RABEP1: variants seen among roughly 807,000 people sequenced by gnomAD.
The protein encoded by RABEP1 is rabaptin, RAB GTPase binding effector protein 1.
Under a neutral mutation model 123.4 loss-of-function variants are expected in RABEP1, and 51 were observed. That is an observed-to-expected ratio of 0.41 (90% CI 0.33 to 0.52). The LOEUF (loss-of-function observed/expected upper bound fraction) is 0.52. Ranked by LOEUF, RABEP1 falls within the 20% of genes least tolerant of loss-of-function variation. The pLI, the probability that RABEP1 is intolerant of heterozygous loss-of-function variation, is 0.16. For missense variants in RABEP1, 888 were observed against 996.3 expected (o/e 0.89, Z 1.46); for synonymous variants, 347 against 355.2 (o/e 0.98, Z 0.26).
chr17:5,333,323 C>T (rs536417000), intron 3 of RABEP1, among the ~76,000 whole-genome samples: 350 of 152,094 alleles, frequency 2.3e-3, no homozygotes, highest in African/African-American at 7.7e-3. Context: ...CCACCACGCC[C>T]GGCTAATTTT....
intron 2 of RABEP1, among the ~76,000 whole-genome samples, chr17:5,314,129 T>C (rs185094028): frequency 1.3e-5 from 2 of 152,304 alleles, no homozygotes; most frequent in East Asian, 3.9e-4. Flanking sequence ...TTGTCATAGC[T>C]GTGTTTGCAC....
At chr17:5,336,473 T>C (rs1299008894) in intron 4 of RABEP1, 1 of 471,430 alleles carries the variant, frequency 2.1e-6, no homozygotes, top group South Asian at 1.6e-5. Flanking sequence ...TAATGTCCTT[T>C]TTTTTCTGTT....
intron 1 of RABEP1, among the ~76,000 whole-genome samples, chr17:5,297,452 G>T (rs1025458126): frequency 1.3e-5 from 2 of 152,208 alleles, no homozygotes; most frequent in African/African-American, 4.8e-5. Flanking sequence ...TGTGACTCAT[G>T]AATCTCCTCT....
intron 10 of RABEP1, chr17:5,364,166 G>C (rs1239670830): frequency 6.6e-6 from 1 of 152,210 alleles, no homozygotes; most frequent in Non-Finnish European, 1.5e-5. Flanking sequence ...CCCTGATAGT[G>C]TGGTGTAGGA....
At chr17:5,370,443 C>G (rs903712347) in intron 12 of RABEP1, among the ~76,000 whole-genome samples, 1 of 152,096 alleles carries the variant, frequency 6.6e-6, no homozygotes, top group African/African-American at 2.4e-5. Context: ...TTTATATTTT[C>G]TATATTTTGA....
At chr17:5,336,244 A>G (rs1907070731) in intron 4 of RABEP1, among the ~76,000 whole-genome samples, 1 of 152,122 alleles carries the variant, frequency 6.6e-6, no homozygotes, top group Non-Finnish European at 1.5e-5. Flanking sequence ...AAATGCATGT[A>G]TATTCATGAT....
At chr17:5,365,048 C>G in intron 10 of RABEP1, 74 bp from the exon 11 acceptor site, 1 of 839,196 alleles carries the variant, frequency 1.2e-6, no homozygotes, top group Non-Finnish European at 1.8e-6. Flanking sequence ...TTTTAAAATT[C>G]TGGAGTTAGA....
rs200203027 is a variant in RABEP1 at position 5,319,362 on chromosome 17, A to C, written c.163+10540A>C. On this transcript the variant is annotated intron_variant, in intron 2 of 17. Coordinates refer to ENST00000537505, the MANE Select transcript of RABEP1 (RefSeq NM_004703.6). The stretch of plus-strand genomic sequence containing the variant: ...AAAAACAAAAAAACAAAAAAAAAAA[A>C]CATATATATTTTTTTCCTTTTTGAG... Among the ~76,000 whole-genome samples, 107 of 129,956 alleles carry C rather than the reference A, an allele frequency of 8.2e-4. 1 individual carries two copies. The East Asian group carries it at 0.014, about 18-fold the overall frequency. 85.3% of individuals were successfully genotyped at this position (129,956 alleles called of 152,430 possible). A position where few individuals can be genotyped will look rare whatever the true frequency, so the allele number is the denominator to read the frequency against.
At chr17:5,293,415 T>G (rs1213836478) in intron 1 of RABEP1, among the ~76,000 whole-genome samples, 1 of 152,134 alleles carries the variant, frequency 6.6e-6, no homozygotes, top group African/African-American at 2.4e-5. Context: ...CCATGTTTTT[T>G]CTTATTTTGG....
intron 2 of RABEP1, among the ~76,000 whole-genome samples, chr17:5,329,801 ACATT>A (rs1906347230): frequency 6.8e-6 from 1 of 147,124 alleles, no homozygotes; most frequent in Non-Finnish European, 1.5e-5. Context: ...TATAAATATA[ACATT>A]CATATATATG....
At chr17:5,349,575 C>A (rs1386164415) in intron 6 of RABEP1, among the ~76,000 whole-genome samples, 1 of 152,090 alleles carries the variant, frequency 6.6e-6, no homozygotes, top group Non-Finnish European at 1.5e-5. Context: ...ATTAACCGGA[C>A]CCAACGAGGA....
At position 5,282,313 on chromosome 17, in the gene RABEP1, C is replaced by A. The variant is rs1017788068; in HGVS notation, c.-174C>A. ...GGATGAGGAGGCGGAGGTCGGCGGT[C>A]GGGTCCGTCTCTGCCCGCGGCTGTG... is the stretch of plus-strand genomic sequence containing the variant. On this transcript the variant is annotated 5_prime_UTR_variant, in exon 1 of 18. Coordinates refer to ENST00000537505, the MANE Select transcript of RABEP1 (RefSeq NM_004703.6). 1.2e-5 allele frequency: 5 copies of A among 433,732 alleles called. No individual in the cohort carries two copies. The South Asian group carries it at 3.6e-4, about 32-fold the overall frequency. The allele number at this position is 433,732 out of a possible 1,614,324, so 26.9% of individuals were successfully genotyped here. A position where few individuals can be genotyped will look rare whatever the true frequency, so the allele number is the denominator to read the frequency against.
At chr17:5,367,870 C>A (rs1304768072) in intron 11 of RABEP1, among the ~76,000 whole-genome samples, 1 of 151,004 alleles carries the variant, frequency 6.6e-6, no homozygotes, top group Non-Finnish European at 1.5e-5. Flanking sequence ...ATTCTCCTGC[C>A]TCAGCCTCCC....
intron 12 of RABEP1, 102 bp from the exon 13 acceptor site, chr17:5,373,212 A>G (rs1039387017): frequency 5.4e-6 from 6 of 1,119,342 alleles, no homozygotes; most frequent in Non-Finnish European, 6.2e-6. Context: ...TACCCCGTCC[A>G]TCCTCAGCAC....
intron 3 of RABEP1, among the ~76,000 whole-genome samples, chr17:5,334,802 T>TG (rs1361176559): frequency 6.6e-6 from 1 of 152,202 alleles, no homozygotes; most frequent in African/African-American, 2.4e-5. Flanking sequence ...GTAGTGGGAT[T>TG]GGGGCGACAT....
intron 1 of RABEP1, among the ~76,000 whole-genome samples, chr17:5,294,216 T>C (rs2075059173): frequency 2.0e-5 from 3 of 152,052 alleles, no homozygotes; most frequent in Admixed American, 2.0e-4. Context: ...ACAAACCCTG[T>C]CTACTAAAAA....
intron 1 of RABEP1, among the ~76,000 whole-genome samples, chr17:5,291,116 AG>A (rs1453568719): frequency 1.3e-5 from 2 of 152,196 alleles, no homozygotes; most frequent in Non-Finnish European, 2.9e-5. Context: ...AAAGTGTAAA[AG>A]AAAACTAGAC....
At chr17:5,318,776 C>T (rs77752862) in intron 2 of RABEP1, among the ~76,000 whole-genome samples, 20,104 of 152,174 alleles carry the variant, frequency 0.13, 1,366 homozygotes, top group East Asian at 0.17. Flanking sequence ...TACAGACTTA[C>T]ATCTGTCATG....
chr17:5,356,289 G>A (rs1024667437), intron 8 of RABEP1, among the ~76,000 whole-genome samples: 1 of 152,128 alleles, frequency 6.6e-6, no homozygotes, highest in Non-Finnish European at 1.5e-5. Context: ...CCGGGAGGTG[G>A]AGGTTGCAAT....
Sources: gnomAD v4.1 joint callset for allele counts (sites outside exome capture counted in the v4.1 genomes callset) on GRCh38, gnomAD v4.1.1 for gene constraint, MANE v1.5 for transcripts, NCBI Gene and HGNC (gene_info 2026-07-23, HGNC 2026-07-21) for gene names.